Variants in PIKFYVE observed in about 807,000 individuals in gnomAD.
The protein encoded by PIKFYVE is 1-phosphatidylinositol 3-phosphate 5-kinase.
Under a neutral mutation model 257.9 loss-of-function variants are expected in PIKFYVE, and 122 were observed. That is an observed-to-expected ratio of 0.47 (90% CI 0.41 to 0.55). The LOEUF (loss-of-function observed/expected upper bound fraction) is 0.55, where lower values mean the gene tolerates loss of function less well. PIKFYVE is among the 20% of genes least tolerant of loss of function. The pLI, the probability that PIKFYVE is intolerant of heterozygous loss-of-function variation, is 0.00. For missense variants in PIKFYVE, 2,160 were observed against 2,536.6 expected, an observed-to-expected ratio of 0.85 and a Z score of 3.19; for synonymous variants, 892 against 868.9, an observed-to-expected ratio of 1.03 and a Z score of -0.47.
intron 17 of PIKFYVE, among the ~76,000 whole-genome samples, chr2:208,321,830 G>C (rs1696282071): frequency 6.6e-6 from 1 of 151,988 alleles, no homozygotes; most frequent in South Asian, 2.1e-4. Context: ...TCCGCCCGAG[G>C]CGTCCCAAAA....
intron 29 of PIKFYVE, 41 bp from the exon 30 acceptor site, chr2:208,339,377 A>G (rs1698483100): frequency 9.3e-6 from 15 of 1,605,780 alleles, no homozygotes; most frequent in African/African-American, 1.3e-5. Flanking sequence ...CATGGACTTA[A>G]TGTATGTAAA....
rs1240014859 is a variant in PIKFYVE, at chr2:208,355,915, T to C, written c.*610T>C. On this transcript the variant is annotated 3_prime_UTR_variant, in exon 42 of 42. Transcript: ENST00000264380. ...TCCAGCTTGCCTGTTTTTGAGTATG[T>C]TTGATGTTTTTAAAATTTTGTCTTC... 1 of 152,666 alleles carries C rather than the reference T, an allele frequency of 6.6e-6. No homozygotes were observed. The highest frequency in any genetic ancestry group is 1.5e-5 in the Non-Finnish European group (1 of 68,074). 9.5% of individuals were successfully genotyped at this position (152,666 alleles called of 1,614,324 possible). A position where few individuals can be genotyped will look rare whatever the true frequency, so the allele number is the denominator to read the frequency against.
chr2:208,277,779 G>T, intron 5 of PIKFYVE, 71 bp downstream of exon 5: 1 of 1,522,060 alleles, frequency 6.6e-7, no homozygotes, highest in South Asian at 1.1e-5. Flanking sequence ...ATACAGGATA[G>T]TGTTAAGCCA....
chr2:208,317,882 A>G lies in PIKFYVE; in HGVS notation c.2023A>G (p.Lys675Glu). The change falls in exon 16 of 42, where the codon AAG (lysine) becomes GAG (glutamate). Residue 675 changes from lysine (K) to glutamate (E), a missense_variant. Coordinates refer to ENST00000264380, the MANE Select transcript of PIKFYVE (RefSeq NM_015040.4). Reference sequence around the variant, plus strand: ...GTTCCATTAGATCCCAGGTGGAAAGAAGTTTGATTCTGTGGTTGTCAATGG... The same window carrying G: ...GTTCCATTAGATCCCAGGTGGAAAGGAGTTTGATTCTGTGGTTGTCAATGG... ...VHIKKIPGGK[K>E]FDSVVVNGFV... is the part of the protein sequence containing the mutation. 1 of 1,613,440 alleles carries G rather than the reference A, an allele frequency of 6.2e-7. No homozygotes were observed. The highest frequency in any genetic ancestry group is 1.7e-4 in the Middle Eastern group (1 of 6,060).
chr2:208,297,394 T>A (rs1693116791), intron 7 of PIKFYVE, among the ~76,000 whole-genome samples: 1 of 152,204 alleles, frequency 6.6e-6, no homozygotes, highest in Admixed American at 6.5e-5. Flanking sequence ...TAAAAATTGC[T>A]TATCGGCTAT....
intron 32 of PIKFYVE, among the ~76,000 whole-genome samples, chr2:208,344,268 T>G (rs1035164892): frequency 2.0e-5 from 3 of 152,210 alleles, no homozygotes; most frequent in African/African-American, 7.2e-5. Context: ...TCAACAAATA[T>G]TTGAATGTTT....
Position 208,285,822 on chromosome 2 carries a change from C to T in PIKFYVE, c.710C>T (p.Ser237Leu). The change falls in exon 6 of 42, where the codon TCA becomes TTA. Residue 237 changes from serine to leucine, a missense_variant. Ser to Leu is a moderately radical substitution (Grantham distance 145). Around this residue, in one of 12 missense-constraint regions of PIKFYVE, gnomAD observed 187 missense variants for 185.6 expected, o/e 1.01. Transcript: ENST00000264380. ...ATTGGGGAAGACTTGAATGCTCTTT[C>T]AGATTCTGCTTGCTCTGTGTCTGTG... ...NSIGEDLNAL[S>L]DSACSVSVLD... 6.2e-7 allele frequency: 1 copy of T among 1,614,056 alleles called. No individual in the cohort carries two copies. Among genetic ancestry groups the T allele is most frequent in the Non-Finnish European group, 8.5e-7 (1 of 1,179,968 alleles).
intron 34 of PIKFYVE, among the ~76,000 whole-genome samples, chr2:208,347,115 T>G (rs1699307374): frequency 6.6e-6 from 1 of 152,190 alleles, no homozygotes; most frequent in Admixed American, 6.5e-5. Flanking sequence ...TTCCCCTAAG[T>G]TGGCATTCTG....
At chr2:208,299,382 C>G (rs1418311429) in intron 8 of PIKFYVE, among the ~76,000 whole-genome samples, 1 of 152,054 alleles carries the variant, frequency 6.6e-6, no homozygotes, top group Non-Finnish European at 1.5e-5. Flanking sequence ...CTCCGCCTCC[C>G]AGGTTCCAGC....
Position 208,336,728 on chromosome 2 carries a change from C to T in PIKFYVE, c.4521-110C>T. ...TATAACTTTAAAGACTATGGTAATC[C>T]AAATAGGAAAACTTTGTGATTTCAA... is the stretch of plus-strand genomic sequence containing the variant. On this transcript the variant is annotated intron_variant, in intron 27 of 41. Transcript: ENST00000264380. The T allele has an allele frequency of 1.2e-5, 8 of 681,986 alleles. No individual in the cohort carries two copies. The South Asian group carries it at 1.4e-4, about 12-fold the overall frequency. 42.2% of individuals were successfully genotyped at this position (681,986 alleles called of 1,614,324 possible).
chr2:208,288,013 T>C (rs1691811873), intron 6 of PIKFYVE, among the ~76,000 whole-genome samples: 3 of 152,236 alleles, frequency 2.0e-5, no homozygotes, highest in East Asian at 1.9e-4. Context: ...ATATGAAGTA[T>C]AGAGTTTTTT....
intron 10 of PIKFYVE, 39 bp downstream of exon 10, chr2:208,302,392 G>A (rs995029096): frequency 4.0e-6 from 6 of 1,509,562 alleles, no homozygotes; most frequent in Non-Finnish European, 5.5e-6. Context: ...AATGTAGCAA[G>A]CTTATTTTAT....
At chr2:208,268,160 C>CATT in intron 1 of PIKFYVE, among the ~76,000 whole-genome samples, 1 of 152,226 alleles carries the variant, frequency 6.6e-6, no homozygotes, top group South Asian at 2.1e-4. Flanking sequence ...GCCCTAGTGT[C>CATT]ATTATGTAAT....
chr2:208,315,899 A>C (rs935267642), intron 15 of PIKFYVE, among the ~76,000 whole-genome samples: 21 of 150,334 alleles, frequency 1.4e-4, no homozygotes, highest in Non-Finnish European at 2.2e-4. Flanking sequence ...TTATACTTTA[A>C]GTTTTAGGGT....
At chr2:208,305,506 G>A (rs1231717171) in intron 12 of PIKFYVE, 1 of 868,366 alleles carries the variant, frequency 1.2e-6, no homozygotes, top group East Asian at 1.2e-4. Context: ...TGCTTATTAT[G>A]TATATTCTAT....
intron 7 of PIKFYVE, among the ~76,000 whole-genome samples, chr2:208,289,525 G>A (rs1040122281): frequency 3.9e-5 from 6 of 152,008 alleles, no homozygotes; most frequent in Admixed American, 3.9e-4. Flanking sequence ...TGCCTCCTGG[G>A]TTCATGCCAT....
In PIKFYVE at chr2:208,276,788, A is replaced by G; in HGVS notation, c.399A>G (p.Thr133=). ...RTAVQLRSLS[T]VLKRLKEIME... is the part of the protein sequence containing the mutation. ...CTGTTCAGCTTCGAAGCCTCAGCAC[A>G]GTATTAAAACGCCTCAAGGAAATCA... is the stretch of plus-strand genomic sequence containing the variant. The change falls in exon 4 of 42, where the codon ACA becomes ACG. Residue 133 remains threonine, a synonymous_variant. Coordinates refer to ENST00000264380, the MANE Select transcript of PIKFYVE (RefSeq NM_015040.4). 2 of 1,613,720 alleles carry G rather than the reference A, an allele frequency of 1.2e-6. No individual in the cohort carries two copies. The highest frequency in any genetic ancestry group is 1.1e-5 in the South Asian group (1 of 91,078).
At position 208,301,003 on chromosome 2, in the gene PIKFYVE, G is replaced by T; in HGVS notation, c.1117G>T (p.Asp373Tyr). 1 of 1,614,164 alleles carries T rather than the reference G, an allele frequency of 6.2e-7. No homozygotes were observed. The highest frequency in any genetic ancestry group is 8.5e-7 in the Non-Finnish European group (1 of 1,180,016). ...TCACAGCAGTGGAATGGAGTTTCAG[G>T]ATCACCGCTACTGGTTGAGAACGCA... is the stretch of plus-strand genomic sequence containing the variant. ...CHHSSGMEFQ[D>Y]HRYWLRTHPN... The change falls in exon 9 of 42, where the codon GAT becomes TAT. Residue 373 changes from aspartate to tyrosine, a missense_variant. Physicochemically the swap from Asp to Tyr is radical, Grantham distance 160 (BLOSUM62 -3). Around this residue, in one of 12 missense-constraint regions of PIKFYVE, gnomAD observed 90 missense variants for 110.6 expected, o/e 0.81. Transcript: ENST00000264380.
intron 27 of PIKFYVE, 134 bp from the exon 28 acceptor site, chr2:208,336,704 A>G (rs1698173160): frequency 1.7e-6 from 1 of 583,414 alleles, no homozygotes; most frequent in East Asian, 3.2e-5. Context: ...TTATTTATAT[A>G]TAACTTTAAA....
Sources: allele counts gnomAD v4.1 joint callset (sites outside exome capture counted in the v4.1 genomes callset), GRCh38; gene constraint gnomAD v4.1.1; regional missense constraint gnomAD v4.1.1; transcripts MANE v1.5; gene names NCBI Gene and HGNC (gene_info 2026-07-23, HGNC 2026-07-21).